The following HINT3 variants were observed in gnomAD, a reference collection of about 807,000 sequenced individuals.
HINT3 encodes adenosine 5'-monophosphoramidase HINT3.
Under a neutral mutation model 19.1 loss-of-function variants are expected in HINT3, and 16 were observed. The ratio of observed to expected loss-of-function variants is 0.84; its 90% CI spans 0.57 to 1.27. HINT3 has a LOEUF of 1.27. Among genes scored for constraint, HINT3 ranks in the 50% most tolerant of loss-of-function variants. The pLI, the probability that HINT3 is intolerant of heterozygous loss-of-function variation, is 0.00. For synonymous variants in HINT3, 75 were observed against 84.8 expected (o/e 0.88, Z 0.63); for missense variants, 197 against 225.8 (o/e 0.87, Z 0.82).
chr6:125,957,192 C>T lies in HINT3; in HGVS notation c.201+14C>T, dbSNP rs1401035715. 1 of 1,539,854 alleles carries T rather than the reference C, an allele frequency of 6.5e-7. No individual in the cohort carries two copies. Among genetic ancestry groups the T allele is most frequent in the East Asian group, 2.5e-5 (1 of 40,682 alleles). On this transcript the variant is annotated intron_variant, in intron 1 of 4. Coordinates refer to ENST00000229633, the MANE Select transcript of HINT3 (RefSeq NM_138571.5). ...CTGCACTGCGAGGTGGGCGGCGACGCGCGGCCGGGGGTGGGTGAGGACCTG... is the reference window on the plus strand; with the variant it reads ...CTGCACTGCGAGGTGGGCGGCGACGTGCGGCCGGGGGTGGGTGAGGACCTG...
chr6:125,962,152 A>G (rs1788934888), intron 1 of HINT3, among the ~76,000 whole-genome samples: 1 of 62,790 alleles, frequency 1.6e-5, no homozygotes, highest in Admixed American at 1.9e-4. Flanking sequence ...GGAAACCCAT[A>G]TATATATACA....
At position 125,966,863 on chromosome 6, in the gene HINT3, A is replaced by AC. The variant is rs1562213432; in HGVS notation, c.202-23dup. 5 of 1,465,532 alleles carry AC rather than the reference A, an allele frequency of 3.4e-6. No individual in the cohort carries two copies. In the East Asian group the frequency reaches 1.1e-4, roughly 33 times the overall value. 90.8% of individuals were successfully genotyped at this position (1,465,532 alleles called of 1,614,324 possible). On this transcript the variant is annotated intron_variant, in intron 1 of 4. Coordinates refer to ENST00000229633, the MANE Select transcript of HINT3 (RefSeq NM_138571.5). Reference sequence around the variant, plus strand: ...ATTAAGAAATTCTTTTTAAAAATTCACTAACAAATGTTTTTTCCTTTAGAA... The same window carrying AC: ...ATTAAGAAATTCTTTTTAAAAATTCACCTAACAAATGTTTTTTCCTTTAGAA...
intron 1 of HINT3, among the ~76,000 whole-genome samples, chr6:125,964,569 A>G (rs1788990397): frequency 6.6e-6 from 1 of 152,086 alleles, no homozygotes; most frequent in Non-Finnish European, 1.5e-5. Flanking sequence ...CTTAGAAATA[A>G]TTTCGTATGT....
chr6:125,973,299 G>A (rs184770014), intron 3 of HINT3, among the ~76,000 whole-genome samples: 183 of 151,942 alleles, frequency 1.2e-3, no homozygotes, highest in Non-Finnish European at 1.9e-3. Flanking sequence ...GGCTGGTCTC[G>A]AACTCCTGAC....
chr6:125,973,557 T>A (rs1292073950), intron 3 of HINT3, among the ~76,000 whole-genome samples: 1 of 152,194 alleles, frequency 6.6e-6, no homozygotes, highest in African/African-American at 2.4e-5. Flanking sequence ...ACGTACACTG[T>A]CTGTATTAGT....
At chr6:125,963,974 T>C (rs1788981220) in intron 1 of HINT3, among the ~76,000 whole-genome samples, 1 of 152,222 alleles carries the variant, frequency 6.6e-6, no homozygotes, top group African/African-American at 2.4e-5. Context: ...GGTGTATCAG[T>C]AACTTTATCT....
intron 4 of HINT3, among the ~76,000 whole-genome samples, chr6:125,975,888 T>G (rs974938521): frequency 1.3e-5 from 2 of 152,102 alleles, no homozygotes; most frequent in African/African-American, 4.8e-5. Flanking sequence ...AAGTTTTGAG[T>G]CTAAAAAATT....
chr6:125,971,588 G>A (rs1236262986), intron 2 of HINT3, among the ~76,000 whole-genome samples: 1 of 151,830 alleles, frequency 6.6e-6, no homozygotes, highest in Non-Finnish European at 1.5e-5. Context: ...AGACCTGAGT[G>A]CAGTGGCACA....
rs150485693 is a variant in HINT3 at position 125,960,093 on chromosome 6, T to C, written c.201+2915T>C. Among the ~76,000 whole-genome samples the C allele has an allele frequency of 7.0e-4, 107 of 152,330 alleles. 1 individual carries two copies. In the East Asian group the frequency reaches 0.02, roughly 29 times the overall value. On this transcript the variant is annotated intron_variant, in intron 1 of 4. Coordinates refer to ENST00000229633, the MANE Select transcript of HINT3 (RefSeq NM_138571.5). Reference sequence around the variant, plus strand: ...CTTGAAAAAGGAGAAGGAGCAATTATATGGTTATATGGTTATTTACAAGTA... The same window carrying C: ...CTTGAAAAAGGAGAAGGAGCAATTACATGGTTATATGGTTATTTACAAGTA...
chr6:125,975,049 C>T (rs1183096536), intron 4 of HINT3, 76 bp downstream of exon 4: 2 of 1,407,600 alleles, frequency 1.4e-6, no homozygotes, highest in African/African-American at 1.4e-5. Context: ...TTCTTCTCAA[C>T]AGTAGGCACT....
At position 125,966,933 on chromosome 6, in the gene HINT3, A is replaced by G. The variant is rs369239656; in HGVS notation, c.248A>G (p.His83Arg). Residue 83 changes from histidine to arginine, a missense_variant, in exon 2 of 5, where the codon CAT becomes CGT. His to Arg is a conservative substitution (Grantham distance 29). Transcript: ENST00000229633. The stretch of plus-strand genomic sequence containing the variant: ...AAAGATATCAAACCAGCAGCAACTC[A>G]TCATTATCTTGTGGTGCCAAAGAAG... ...CFKDIKPAAT[H>R]HYLVVPKKHI... 1.2e-5 allele frequency: 19 copies of G among 1,612,512 alleles called. No homozygotes were observed. The African/African-American group carries it at 2.5e-4, about 22-fold the overall frequency.
At chr6:125,966,772 G>A (rs1789023270) in intron 1 of HINT3, 115 bp from the exon 2 acceptor site, 1 of 632,834 alleles carries the variant, frequency 1.6e-6, no homozygotes, top group South Asian at 2.2e-5. Context: ...TGGGGGTTAG[G>A]TGTAACATAA....
intron 1 of HINT3, 120 bp downstream of exon 1, chr6:125,957,298 G>C (rs1788854382): frequency 2.8e-6 from 3 of 1,087,168 alleles, no homozygotes. Context: ...TCAGCTCGCA[G>C]AGGCAGGGCC....
At chr6:125,972,590 T>C (rs1341123651) in intron 3 of HINT3, among the ~76,000 whole-genome samples, 1 of 152,116 alleles carries the variant, frequency 6.6e-6, no homozygotes, top group Non-Finnish European at 1.5e-5. Flanking sequence ...CAAGTCTACT[T>C]TTTAAAAAAA....
At position 125,966,996 on chromosome 6, in the gene HINT3, T is replaced by C. The variant is rs755772437; in HGVS notation, c.311T>C (p.Val104Ala). 6 of 1,577,450 alleles carry C rather than the reference T, an allele frequency of 3.8e-6. No homozygotes were observed. The highest frequency in any genetic ancestry group is 1.7e-4 in the Middle Eastern group (1 of 6,024). ...GNCRTLRKDQVELVENMVTVG... is the reference protein window; with the variant it reads ...GNCRTLRKDQAELVENMVTVG... The stretch of plus-strand genomic sequence containing the variant: ...TGCAGAACTCTAAGGAAAGATCAAG[T>C]AGAACTGGGTAAGATGATGGCAGTA... Residue 104 changes from valine (V) to alanine (A), a missense_variant, in exon 2 of 5, where the codon GTA becomes GCA. Physicochemically the swap from Val to Ala is moderately conservative, Grantham distance 64. Coordinates refer to ENST00000229633, the MANE Select transcript of HINT3 (RefSeq NM_138571.5).
Position 125,956,780 on chromosome 6 carries a change from A to AGCCGGTTTTGAGGCCGGCC in HINT3, c.-197_-179dup. The AGCCGGTTTTGAGGCCGGCC allele has an allele frequency of 1.6e-6, 1 of 627,574 alleles. No homozygotes were observed. The highest frequency in any genetic ancestry group is 2.7e-6 in the Non-Finnish European group (1 of 364,110). The allele number at this position is 627,574 out of a possible 1,614,324, so 38.9% of individuals were successfully genotyped here. On this transcript the variant is annotated 5_prime_UTR_variant, in exon 1 of 5. Transcript: ENST00000229633. The stretch of plus-strand genomic sequence containing the variant: ...GCGCCATTGCGCGCCCTCTAGTGGC[A>AGCCGGTTTTGAGGCCGGCC]GCCGGTTTTGAGGCCGGCCTCCGGC...
At chr6:125,972,680 C>T (rs1789118789) in intron 3 of HINT3, among the ~76,000 whole-genome samples, 1 of 152,184 alleles carries the variant, frequency 6.6e-6, no homozygotes, top group Non-Finnish European at 1.5e-5. Context: ...GCCTCAACCT[C>T]CCAGACTGAG....
rs1789202266 is a variant in HINT3, at chr6:125,978,038, AACT to A, written c.*367_*369del. On this transcript the variant is annotated 3_prime_UTR_variant, in exon 5 of 5. Transcript: ENST00000229633. ...AATAGTGATTTATTTATGAAGAATA[AACT>A]ACTATAGAAAGTACTTTGTGGGAAC... The A allele has an allele frequency of 6.1e-6, 1 of 162,682 alleles. No individual in the cohort carries two copies. Among genetic ancestry groups the A allele is most frequent in the South Asian group, 2.0e-4 (1 of 4,954 alleles). The allele number at this position is 162,682 out of a possible 1,614,324, so 10.1% of individuals were successfully genotyped here. A position where few individuals can be genotyped will look rare whatever the true frequency, so the allele number is the denominator to read the frequency against.
At position 125,957,093 on chromosome 6, in the gene HINT3, C is replaced by T. The variant is rs774879956; in HGVS notation, c.116C>T (p.Pro39Leu). ...VGTCEAAGKS[P>L]EPKDYDSTCV... ...ACCTGTGAAGCCGCTGGCAAGTCACCAGAGCCCAAGGACTACGACAGCACC... is the reference window on the plus strand; with the variant it reads ...ACCTGTGAAGCCGCTGGCAAGTCACTAGAGCCCAAGGACTACGACAGCACC... The change falls in exon 1 of 5, where the codon CCA becomes CTA. Residue 39 changes from proline to leucine, a missense_variant. Coordinates refer to ENST00000229633, the MANE Select transcript of HINT3 (RefSeq NM_138571.5). 6.4e-7 allele frequency: 1 copy of T among 1,550,956 alleles called. No individual in the cohort carries two copies. Among genetic ancestry groups the T allele is most frequent in the Non-Finnish European group, 8.7e-7 (1 of 1,146,834 alleles).
Sources: allele counts gnomAD v4.1 joint callset (sites outside exome capture counted in the v4.1 genomes callset), GRCh38; gene constraint gnomAD v4.1.1; transcripts MANE v1.5; gene names NCBI Gene and HGNC (gene_info 2026-07-23, HGNC 2026-07-21).